TSTD2: variants seen among roughly 807,000 people sequenced by gnomAD.
TSTD2 encodes thiosulfate sulfurtransferase like domain containing 2.
TSTD2 carries 37 observed loss-of-function variants against 47.9 expected under a neutral mutation model. The observed-to-expected ratio is 0.77, with a 90% CI of 0.59 to 1.02. TSTD2 has a LOEUF of 1.02. Ranked by LOEUF, TSTD2 falls within the 50% of genes least tolerant of loss-of-function variation. TSTD2 has a pLI of 0.00. For synonymous variants in TSTD2, 201 were observed against 215.9 expected, an observed-to-expected ratio of 0.93 and a Z score of 0.61; for missense variants, 586 against 616.0, an observed-to-expected ratio of 0.95 and a Z score of 0.52.
In TSTD2 at chr9:97,627,533, T is replaced by C. The variant is rs554132329; in HGVS notation, c.30A>G (p.Gly10=). The C allele has an allele frequency of 7.4e-6, 12 of 1,612,002 alleles. No individual in the cohort carries two copies. Among genetic ancestry groups the C allele is most frequent in the Non-Finnish European group, 1.0e-5 (12 of 1,178,634 alleles). Residue 10 remains glycine (G), a synonymous_variant, in exon 2 of 10, where the codon GGA becomes GGG. Transcript: ENST00000341170. ...TTAAAATGCAGTTCTCCAGGTCATC[T>C]CCTTGGTCTGGTGAAGTGGAAGAAG... MPSSTSPDQ[G]DDLENCILRF...
chr9:97,620,997 T>A (rs1269855601), intron 3 of TSTD2, among the ~76,000 whole-genome samples: 1 of 152,096 alleles, frequency 6.6e-6, no homozygotes, highest in East Asian at 1.9e-4. Context: ...GGGGAAAATG[T>A]CTCCAGGGCA....
In TSTD2 at chr9:97,617,740, A is replaced by G; in HGVS notation, c.603+17T>C. The G allele has an allele frequency of 6.2e-7, 1 of 1,608,648 alleles. No individual in the cohort carries two copies. The highest frequency in any genetic ancestry group is 1.1e-5 in the South Asian group (1 of 90,208). On this transcript the variant is annotated intron_variant, in intron 4 of 9. Coordinates refer to ENST00000341170, the MANE Select transcript of TSTD2 (RefSeq NM_139246.5). Reference sequence around the variant, plus strand: ...AGATGGACCCAGTGAAGGAAGGAATATAGGAGAAGGTGTTACCTTGCCTGT... The same window carrying G: ...AGATGGACCCAGTGAAGGAAGGAATGTAGGAGAAGGTGTTACCTTGCCTGT...
intron 6 of TSTD2, 155 bp downstream of exon 6, chr9:97,610,191 C>T: frequency 3.8e-6 from 2 of 522,312 alleles, no homozygotes; most frequent in Non-Finnish European, 6.8e-6. Flanking sequence ...CACAGAGAAA[C>T]AGTATAAGCA....
rs760649594 is a variant in TSTD2, at chr9:97,604,826, G to C, written c.1153C>G (p.His385Asp). ...KEVFQLKGGI[H>D]KYLEEFPDGF... ...TCAGGAAACTCTTCCAGGTACTTGT[G>C]GATGCCACCCTTGAGCTGGAACACC... Residue 385 changes from histidine to aspartate, a missense_variant, in exon 9 of 10, where the codon CAC (histidine) becomes GAC (aspartate). By Grantham distance (81) the His-to-Asp change is moderately conservative. Coordinates refer to ENST00000341170, the MANE Select transcript of TSTD2 (RefSeq NM_139246.5). The C allele has an allele frequency of 2.5e-6, 4 of 1,614,190 alleles. No homozygotes were observed. The South Asian group carries it at 3.3e-5, about 13-fold the overall frequency.
Position 97,601,202 on chromosome 9 carries a change from C to G in TSTD2, c.*1267G>C. The G allele has an allele frequency of 7.7e-7, 1 of 1,292,348 alleles. No homozygotes were observed. The highest frequency in any genetic ancestry group is 1.0e-6 in the Non-Finnish European group (1 of 981,934). 80.1% of individuals were successfully genotyped at this position (1,292,348 alleles called of 1,614,324 possible). ...TCTCCTTAAAACACAATTGCAGCTG[C>G]ATTCTGCATCGCTGAAAACTGCAAT... On this transcript the variant is annotated 3_prime_UTR_variant, in exon 10 of 10. Transcript: ENST00000341170.
In TSTD2 at chr9:97,617,784, CAG is replaced by C. The variant is rs1486182158; in HGVS notation, c.574_575del (p.Leu192ValfsTer42). 2 of 1,614,044 alleles carry C rather than the reference CAG, an allele frequency of 1.2e-6. No homozygotes were observed. Among genetic ancestry groups the C allele is most frequent in the Admixed American group, 3.3e-5 (2 of 59,988 alleles). ...TGCCTGTGAGGTGCAGGTGCTGACA[CAG>C]AGCTGTCTGCCAGGCACAGATCCAT... ...PQWICAWQTALCQHLHLTGKI... is the reference protein window; with the variant it reads ...PQWICAWQTAXCQHLHLTGKI... On this transcript the variant is annotated frameshift_variant, in exon 4 of 10. Coordinates refer to ENST00000341170, the MANE Select transcript of TSTD2 (RefSeq NM_139246.5). LOFTEE classifies it high-confidence loss of function.
In TSTD2 at chr9:97,604,872, G is replaced by A; in HGVS notation, c.1114-7C>T. ...ACACCTCCTTGCACACTCCCTAGGT[G>A]TGGAAAAACAACAGGAAATCTGAAG... is the stretch of plus-strand genomic sequence containing the variant. On this transcript the variant is annotated splice_polypyrimidine_tract_variant and splice_region_variant and intron_variant, in intron 8 of 9. Coordinates refer to ENST00000341170, the MANE Select transcript of TSTD2 (RefSeq NM_139246.5). 6.2e-7 allele frequency: 1 copy of A among 1,612,558 alleles called. No homozygotes were observed.
At chr9:97,629,906 C>G (rs1826782873) in intron 1 of TSTD2, among the ~76,000 whole-genome samples, 1 of 152,212 alleles carries the variant, frequency 6.6e-6, no homozygotes, top group African/African-American at 2.4e-5. Context: ...GTCCCACCTC[C>G]AGCATCTTTT....
intron 5 of TSTD2, chr9:97,610,966 T>TGGA (rs1826447655): frequency 1.3e-5 from 2 of 152,576 alleles, no homozygotes; most frequent in Admixed American, 1.3e-4. Context: ...TGAGCTAATA[T>TGGA]GTCCAAGATT....
intron 3 of TSTD2, among the ~76,000 whole-genome samples, chr9:97,624,496 T>C (rs1826688876): frequency 6.6e-6 from 1 of 152,224 alleles, no homozygotes; most frequent in Non-Finnish European, 1.5e-5. Context: ...TATGCTGCTG[T>C]AAGCTGAATT....
At position 97,611,654 on chromosome 9, in the gene TSTD2, T is replaced by C; in HGVS notation, c.649A>G (p.Lys217Glu). ...EGINGTVGGS[K>E]LATRLYVEVM... is the part of the protein sequence containing the mutation. The stretch of plus-strand genomic sequence containing the variant: ...TCCACATAAAGTCTGGTAGCCAATT[T>C]GCTTCCACCAACTGTCCCATTGATT... The change falls in exon 5 of 10, where the codon AAA (lysine) becomes GAA (glutamate). Residue 217 changes from lysine (K) to glutamate (E), a missense_variant. Transcript: ENST00000341170. The C allele has an allele frequency of 3.7e-6, 6 of 1,611,150 alleles. No homozygotes were observed. Among genetic ancestry groups the C allele is most frequent in the Non-Finnish European group, 5.1e-6 (6 of 1,177,426 alleles).
At chr9:97,629,885 T>C (rs909116070) in intron 1 of TSTD2, among the ~76,000 whole-genome samples, 1 of 152,254 alleles carries the variant, frequency 6.6e-6, no homozygotes, top group African/African-American at 2.4e-5. Flanking sequence ...AAGGAATTAC[T>C]ATCCAATCCG....
Position 97,627,535 on chromosome 9 carries a change from C to T in TSTD2, c.28G>A (p.Gly10Arg), listed in dbSNP as rs1564011131. MPSSTSPDQGDDLENCILRF... is the reference protein window; with the variant it reads MPSSTSPDQRDDLENCILRF... ...AAAATGCAGTTCTCCAGGTCATCTCCTTGGTCTGGTGAAGTGGAAGAAGGC... is the reference window on the plus strand; with the variant it reads ...AAAATGCAGTTCTCCAGGTCATCTCTTTGGTCTGGTGAAGTGGAAGAAGGC... The change falls in exon 2 of 10, where the codon GGA (glycine) becomes AGA (arginine). Residue 10 changes from glycine to arginine, a missense_variant. Transcript: ENST00000341170. 1 of 1,611,652 alleles carries T rather than the reference C, an allele frequency of 6.2e-7. No homozygotes were observed. Among genetic ancestry groups the T allele is most frequent in the Admixed American group, 1.7e-5 (1 of 59,908 alleles).
intron 4 of TSTD2, 21 bp from the exon 5 acceptor site, chr9:97,611,720 A>G: frequency 6.3e-7 from 1 of 1,592,546 alleles, no homozygotes; most frequent in Non-Finnish European, 8.6e-7. Context: ...AGACGGTGAA[A>G]AAGAGAACAG....
Position 97,601,864 on chromosome 9 carries a change from AC to A in TSTD2, c.*604del, listed in dbSNP as rs1340027460. The A allele has an allele frequency of 1.3e-5, 2 of 153,076 alleles. No homozygotes were observed. Among genetic ancestry groups the A allele is most frequent in the African/African-American group, 4.8e-5 (2 of 41,590 alleles). The allele number at this position is 153,076 out of a possible 1,614,324, so 9.5% of individuals were successfully genotyped here. The stretch of plus-strand genomic sequence containing the variant: ...TACATGGAGGGCTGATTTATCACAT[AC>A]GTGGGTTCTGTAGGGCCCACTGTGG... On this transcript the variant is annotated 3_prime_UTR_variant, in exon 10 of 10. Transcript: ENST00000341170.
intron 3 of TSTD2, among the ~76,000 whole-genome samples, chr9:97,618,155 C>T (rs1000963172): frequency 3.3e-5 from 5 of 152,224 alleles, no homozygotes; most frequent in African/African-American, 1.2e-4. Context: ...ATTAGTAACT[C>T]CAATTCATAG....
At chr9:97,619,683 T>C (rs1208952185) in intron 3 of TSTD2, among the ~76,000 whole-genome samples, 1 of 152,046 alleles carries the variant, frequency 6.6e-6, no homozygotes, top group Non-Finnish European at 1.5e-5. Context: ...CTTACTTTAA[T>C]ACAGTATACA....
chr9:97,613,768 G>A (rs1048492339), intron 4 of TSTD2, among the ~76,000 whole-genome samples: 3 of 151,664 alleles, frequency 2.0e-5, no homozygotes, highest in African/African-American at 7.3e-5. Flanking sequence ...AATTTTTAAT[G>A]GCTGTCCTTT....
intron 8 of TSTD2, 167 bp from the exon 9 acceptor site, chr9:97,605,032 C>T: frequency 1.5e-5 from 13 of 868,652 alleles, no homozygotes; most frequent in Non-Finnish European, 1.8e-5. Context: ...AATTGCTGAC[C>T]AAGGGGTCAA....
Sources: allele counts gnomAD v4.1 joint callset (sites outside exome capture counted in the v4.1 genomes callset), GRCh38; gene constraint gnomAD v4.1.1; transcripts MANE v1.5; gene names NCBI Gene and HGNC (gene_info 2026-07-23, HGNC 2026-07-21).